FHIT: variants seen among roughly 807,000 people sequenced by gnomAD.
FHIT encodes the protein bis(5'-adenosyl)-triphosphatase.
Under a neutral mutation model 17.9 loss-of-function variants are expected in FHIT, and 19 were observed. That is an observed-to-expected ratio of 1.06 (90% CI 0.74 to 1.56). The LOEUF is 1.56. Ranked by LOEUF, FHIT falls within the 40% of genes most tolerant of loss-of-function variation. FHIT has a pLI of 0.00. For synonymous variants in FHIT, 81 were observed against 69.7 expected (o/e 1.16, Z -0.81); for missense variants, 248 against 189.2 (o/e 1.31, Z -1.82).
At chr3:60,810,103 C>A (rs1701527551) in intron 4 of FHIT, among the ~76,000 whole-genome samples, 1 of 152,218 alleles carries the variant, frequency 6.6e-6, no homozygotes, top group South Asian at 2.1e-4. Context: ...ATCTGGAGCT[C>A]TTGATTCCCA....
chr3:61,142,814 T>C (rs1279118451), intron 2 of FHIT, among the ~76,000 whole-genome samples: 1 of 152,188 alleles, frequency 6.6e-6, no homozygotes, highest in Non-Finnish European at 1.5e-5. Context: ...TAGCCTGTAA[T>C]GAACATATTT....
At chr3:60,467,792 T>A (rs558952730) in intron 5 of FHIT, among the ~76,000 whole-genome samples, 1 of 152,120 alleles carries the variant, frequency 6.6e-6, no homozygotes. Flanking sequence ...TCTGCAGCCA[T>A]TGGATAAAAT....
chr3:60,061,152 T>G (rs2106926460), intron 5 of FHIT, among the ~76,000 whole-genome samples: 1 of 150,404 alleles, frequency 6.6e-6, no homozygotes, highest in East Asian at 2.0e-4. Flanking sequence ...GAGTAGGACG[T>G]TTTCTAACAA....
At chr3:60,945,142 C>T (rs1307343774) in intron 3 of FHIT, among the ~76,000 whole-genome samples, 2 of 151,976 alleles carry the variant, frequency 1.3e-5, no homozygotes, top group Non-Finnish European at 2.9e-5. Flanking sequence ...GAGAAGATGA[C>T]ATTTGAGCAG....
At chr3:60,154,984 G>C (rs1043494925) in intron 5 of FHIT, among the ~76,000 whole-genome samples, 8 of 152,000 alleles carry the variant, frequency 5.3e-5, no homozygotes, top group Admixed American at 3.3e-4. Flanking sequence ...AGGATCACTT[G>C]AGCCTAAGAG....
chr3:60,548,088 T>C (rs529117747), intron 4 of FHIT, among the ~76,000 whole-genome samples: 32 of 151,394 alleles, frequency 2.1e-4, no homozygotes, highest in African/African-American at 7.5e-4. Context: ...CACAATCTAA[T>C]CAGCTGGCAG....
chr3:59,828,142 T>C (rs1398951417), intron 8 of FHIT, among the ~76,000 whole-genome samples: 1 of 152,248 alleles, frequency 6.6e-6, no homozygotes, highest in Non-Finnish European at 1.5e-5. Context: ...GATCATTTGA[T>C]ATTTAAGGCA....
At chr3:60,350,830 A>T (rs1028863649) in intron 5 of FHIT, among the ~76,000 whole-genome samples, 1 of 152,210 alleles carries the variant, frequency 6.6e-6, no homozygotes, top group Non-Finnish European at 1.5e-5. Context: ...CAACCAAAAG[A>T]AATGCAAAGA....
At chr3:59,948,503 C>A (rs528380804) in intron 7 of FHIT, among the ~76,000 whole-genome samples, 1 of 150,122 alleles carries the variant, frequency 6.7e-6, no homozygotes, top group African/African-American at 2.5e-5. Context: ...GGCAACAGAG[C>A]GAGATTCTGT....
At chr3:61,110,046 G>A (rs972490042) in intron 2 of FHIT, among the ~76,000 whole-genome samples, 6 of 152,220 alleles carry the variant, frequency 3.9e-5, no homozygotes, top group East Asian at 1.9e-4. Context: ...TGTGATCCTG[G>A]ACTGTCTATC....
intron 5 of FHIT, among the ~76,000 whole-genome samples, chr3:60,291,937 T>C (rs2049845): frequency 0.62 from 93,532 of 151,922 alleles, 30,389 homozygotes; most frequent in East Asian, 0.97. Context: ...TCTGGCCCTG[T>C]CCATATCTTG....
At chr3:60,286,347 G>C (rs1707728722) in intron 5 of FHIT, among the ~76,000 whole-genome samples, 1 of 152,138 alleles carries the variant, frequency 6.6e-6, no homozygotes, top group South Asian at 2.1e-4. Flanking sequence ...TACATAATAT[G>C]AGTTGCAAAT....
chr3:61,092,470 C>G (rs2035514923), intron 2 of FHIT, among the ~76,000 whole-genome samples: 1 of 151,548 alleles, frequency 6.6e-6, no homozygotes, highest in South Asian at 2.1e-4. Context: ...GCAAAAAGGC[C>G]CCAGAGCTCT....
intron 1 of FHIT, among the ~76,000 whole-genome samples, chr3:61,209,195 C>G (rs1208328475): frequency 1.3e-5 from 2 of 152,216 alleles, no homozygotes; most frequent in Non-Finnish European, 2.9e-5. Flanking sequence ...CGCTGTTAGT[C>G]TGATGGGCTT....
At chr3:60,046,797 C>T (rs1701671648) in intron 5 of FHIT, among the ~76,000 whole-genome samples, 1 of 152,148 alleles carries the variant, frequency 6.6e-6, no homozygotes, top group Admixed American at 6.5e-5. Flanking sequence ...GTAAAGAACT[C>T]AGCCCAAGCT....
chr3:60,537,513 C>T, intron 4 of FHIT: 1 of 960,884 alleles, frequency 1.0e-6, no homozygotes, highest in Middle Eastern at 5.3e-4. Flanking sequence ...CTAGTAAAAT[C>T]TCCAAAATAA....
intron 7 of FHIT, among the ~76,000 whole-genome samples, chr3:59,998,861 T>C (rs1456134464): frequency 6.6e-6 from 1 of 152,270 alleles, no homozygotes; most frequent in East Asian, 1.9e-4. Context: ...AGAAATCCAA[T>C]AGTTATTCGC....
chr3:60,351,253 T>C (rs982080514), intron 5 of FHIT, among the ~76,000 whole-genome samples: 43 of 152,298 alleles, frequency 2.8e-4, no homozygotes, highest in African/African-American at 9.4e-4. Context: ...ACTAGGCACA[T>C]TGTTTAGTTT....
intron 2 of FHIT, among the ~76,000 whole-genome samples, chr3:61,160,481 A>T (rs557003002): frequency 1.3e-5 from 2 of 152,378 alleles, no homozygotes; most frequent in South Asian, 4.1e-4. Context: ...GTTACTTGAC[A>T]GTTCCTGCAG....
Sources: allele counts gnomAD v4.1 joint callset (sites outside exome capture counted in the v4.1 genomes callset), GRCh38; gene constraint gnomAD v4.1.1; transcripts MANE v1.5; gene names NCBI Gene and HGNC (gene_info 2026-07-23, HGNC 2026-07-21).